Variants in HS3ST5 observed in about 807,000 individuals in gnomAD.
HS3ST5 encodes the protein heparan sulfate glucosamine 3-O-sulfotransferase 5.
A neutral mutation model predicts 25.4 loss-of-function variants in HS3ST5; 10 were observed. The ratio of observed to expected loss-of-function variants is 0.39; its 90% CI spans 0.24 to 0.67. The LOEUF is 0.67. Among genes scored for constraint, HS3ST5 ranks in the 30% least tolerant of loss-of-function variants. The pLI, the probability that HS3ST5 is intolerant of heterozygous loss-of-function variation, is 0.44. For synonymous variants in HS3ST5, 170 were observed against 162.4 expected, an observed-to-expected ratio of 1.05 and a Z score of -0.36; for missense variants, 324 against 420.7, an observed-to-expected ratio of 0.77 and a Z score of 2.01.
At chr6:114,259,374 C>A (rs1562255705) in intron 1 of HS3ST5, among the ~76,000 whole-genome samples, 1 of 152,156 alleles carries the variant, frequency 6.6e-6, no homozygotes, top group Non-Finnish European at 1.5e-5. Flanking sequence ...CATGTGGCAT[C>A]ATTGTAATGT....
intron 1 of HS3ST5, among the ~76,000 whole-genome samples, chr6:114,229,831 G>A (rs1771490311): frequency 6.6e-6 from 1 of 152,164 alleles, no homozygotes; most frequent in African/African-American, 2.4e-5. Flanking sequence ...TCCCCATGAT[G>A]TAAAAGACAA....
intron 1 of HS3ST5, among the ~76,000 whole-genome samples, chr6:114,293,231 G>T (rs1001888765): frequency 6.6e-6 from 1 of 152,118 alleles, no homozygotes; most frequent in Non-Finnish European, 1.5e-5. Context: ...AGAAGCAGCA[G>T]CCTAGGGCTC....
chr6:114,086,786 A>G (rs562243174), intron 3 of HS3ST5, among the ~76,000 whole-genome samples: 2 of 152,372 alleles, frequency 1.3e-5, no homozygotes, highest in African/African-American at 4.8e-5. Context: ...ATGCCAAACA[A>G]CAAAAGCTCA....
At chr6:114,188,346 GCAC>G (rs1562231091) in intron 2 of HS3ST5, among the ~76,000 whole-genome samples, 8 of 152,176 alleles carry the variant, frequency 5.3e-5, no homozygotes, top group Non-Finnish European at 8.8e-5. Context: ...ATAGCATTTA[GCAC>G]AATTGATAGT....
chr6:114,276,778 A>T (rs1020586235), intron 1 of HS3ST5, among the ~76,000 whole-genome samples: 1 of 151,954 alleles, frequency 6.6e-6, no homozygotes, highest in African/African-American at 2.4e-5. Context: ...AATTGGCACA[A>T]AAGGCCTATT....
intron 1 of HS3ST5, among the ~76,000 whole-genome samples, chr6:114,286,335 A>T (rs1419251644): frequency 6.6e-6 from 1 of 151,990 alleles, no homozygotes; most frequent in African/African-American, 2.4e-5. Flanking sequence ...GGAAATTGCT[A>T]ATCAATGGGC....
At chr6:114,139,484 G>A (rs1777798229) in intron 3 of HS3ST5, among the ~76,000 whole-genome samples, 1 of 152,058 alleles carries the variant, frequency 6.6e-6, no homozygotes, top group Non-Finnish European at 1.5e-5. Flanking sequence ...CCATTTATCT[G>A]ATTCTACTCT....
chr6:114,111,500 C>G (rs1562201081), intron 3 of HS3ST5, among the ~76,000 whole-genome samples: 1 of 152,184 alleles, frequency 6.6e-6, no homozygotes, highest in Non-Finnish European at 1.5e-5. Context: ...GAGCATGGGT[C>G]TCCTGCCTAG....
At chr6:114,142,543 A>G (rs1015393158) in intron 3 of HS3ST5, among the ~76,000 whole-genome samples, 4 of 152,216 alleles carry the variant, frequency 2.6e-5, no homozygotes, top group Admixed American at 2.6e-4. Flanking sequence ...TGAGCCAGAC[A>G]GAATTTAAAT....
At chr6:114,207,389 G>A (rs980038577) in intron 2 of HS3ST5, among the ~76,000 whole-genome samples, 1 of 152,094 alleles carries the variant, frequency 6.6e-6, no homozygotes, top group Non-Finnish European at 1.5e-5. Flanking sequence ...TTTCATTGTA[G>A]AGAAAAAGTA....
At chr6:114,314,635 T>C (rs1160401595) in intron 1 of HS3ST5, among the ~76,000 whole-genome samples, 3 of 152,186 alleles carry the variant, frequency 2.0e-5, no homozygotes, top group African/African-American at 4.8e-5. Flanking sequence ...GTGTATGCTC[T>C]TTTTTTCCTC....
intron 1 of HS3ST5, among the ~76,000 whole-genome samples, chr6:114,250,056 A>G (rs769977463): frequency 5.3e-5 from 8 of 152,196 alleles, no homozygotes; most frequent in Non-Finnish European, 8.8e-5. Context: ...AAGTTATGAT[A>G]TGCATTGCTT....
chr6:114,188,648 G>T (rs565041716), intron 2 of HS3ST5, among the ~76,000 whole-genome samples: 1 of 152,124 alleles, frequency 6.6e-6, no homozygotes, highest in Non-Finnish European at 1.5e-5. Context: ...TTACTTTCAA[G>T]TAGGTCTTGA....
At chr6:114,294,975 A>G (rs1774751830) in intron 1 of HS3ST5, among the ~76,000 whole-genome samples, 1 of 152,200 alleles carries the variant, frequency 6.6e-6, no homozygotes, top group East Asian at 1.9e-4. Flanking sequence ...GCTTAATATC[A>G]TTAATATTAT....
intron 3 of HS3ST5, among the ~76,000 whole-genome samples, chr6:114,142,534 G>A (rs1777961360): frequency 6.6e-6 from 1 of 152,130 alleles, no homozygotes; most frequent in Non-Finnish European, 1.5e-5. Flanking sequence ...CAAGCCTTGT[G>A]AGCCAGACAG....
At chr6:114,299,460 A>G (rs1484901462) in intron 1 of HS3ST5, among the ~76,000 whole-genome samples, 1 of 152,020 alleles carries the variant, frequency 6.6e-6, no homozygotes, top group Non-Finnish European at 1.5e-5. Context: ...CCCACACCCT[A>G]TTCTTACACT....
chr6:114,093,613 C>A (rs1009569134), intron 3 of HS3ST5, among the ~76,000 whole-genome samples: 2 of 151,860 alleles, frequency 1.3e-5, no homozygotes, highest in African/African-American at 4.8e-5. Flanking sequence ...CTTTTCTTTT[C>A]TATACATCTG....
Position 114,086,713 on chromosome 6 carries a change from T to C in HS3ST5, c.-32-23836A>G, listed in dbSNP as rs547185313. Among the ~76,000 whole-genome samples, 8 of 152,354 alleles carry C rather than the reference T, an allele frequency of 5.3e-5. No individual in the cohort carries two copies. The South Asian group carries it at 1.7e-3, about 32-fold the overall frequency. On this transcript the variant is annotated intron_variant, in intron 3 of 4. Coordinates refer to ENST00000312719, the MANE Select transcript of HS3ST5 (RefSeq NM_153612.4). ...TGCAGGCATATTTCCCTATCACCTG[T>C]AGCTTTAAGAAAAAACAAAACTAGT...
At chr6:114,153,925 A>G (rs921855370) in intron 3 of HS3ST5, among the ~76,000 whole-genome samples, 1 of 152,168 alleles carries the variant, frequency 6.6e-6, no homozygotes, top group African/African-American at 2.4e-5. Flanking sequence ...CGTCCCTTCA[A>G]CTGCACAGTG....
Sources: gnomAD v4.1 joint callset for allele counts (sites outside exome capture counted in the v4.1 genomes callset) on GRCh38, gnomAD v4.1.1 for gene constraint, MANE v1.5 for transcripts, NCBI Gene and HGNC (gene_info 2026-07-23, HGNC 2026-07-21) for gene names.